Variants in LMO7 observed in about 807,000 individuals in gnomAD.
LMO7 encodes LIM domain 7, also known as LIM domain only protein 7.
In LMO7, 120 loss-of-function variants were observed where a neutral mutation model predicts 206.5. That is an observed-to-expected ratio of 0.58 (90% CI 0.50 to 0.68). LMO7 has a LOEUF of 0.68. Among genes scored for constraint, LMO7 ranks in the 30% least tolerant of loss-of-function variants. The pLI, the probability that LMO7 is intolerant of heterozygous loss-of-function variation, is 0.00. For missense variants in LMO7, 1,959 were observed against 1,957.9 expected (o/e 1.00, Z -0.01); for synonymous variants, 706 against 681.5 (o/e 1.04, Z -0.56).
intron 2 of LMO7, among the ~76,000 whole-genome samples, chr13:75,720,780 G>A (rs1269421936): frequency 6.6e-6 from 1 of 152,140 alleles, no homozygotes; most frequent in Non-Finnish European, 1.5e-5. Context: ...TCCCATCTTA[G>A]CATTTACTGT....
chr13:75,678,712 G>T (rs2040233047), intron 1 of LMO7, among the ~76,000 whole-genome samples: 1 of 152,124 alleles, frequency 6.6e-6, no homozygotes, highest in African/African-American at 2.4e-5. Flanking sequence ...TTCTAGTCTA[G>T]GTTCCAAATG....
At position 75,796,711 on chromosome 13, in the gene LMO7, A is replaced by T. The variant is rs1165807073; in HGVS notation, c.424A>T (p.Lys142Ter). 1.9e-6 allele frequency: 3 copies of T among 1,613,384 alleles called. No individual in the cohort carries two copies. The Admixed American group carries it at 5.0e-5, about 27-fold the overall frequency. The part of the protein sequence containing the change: ...PYYNGPHLNL[K>*]AFENLLGQAL... ...CTATAATGGTCCCCATCTTAATTTG[A>T]AAGCGTTTGAGAATCTTTTAGGACA... Residue 142 changes from lysine to a stop codon, truncating the protein, a stop_gained, in exon 6 of 31, where the codon AAA (lysine) becomes TAA (stop). Coordinates refer to ENST00000377534, the MANE Select transcript of LMO7 (RefSeq NM_001306080.2). LOFTEE classifies it high-confidence loss of function.
At chr13:75,743,107 A>G (rs1324101707) in intron 3 of LMO7, among the ~76,000 whole-genome samples, 2 of 152,250 alleles carry the variant, frequency 1.3e-5, no homozygotes, top group African/African-American at 4.8e-5. Flanking sequence ...GCCAATAGGC[A>G]TATGAAAAAA....
intron 1 of LMO7, among the ~76,000 whole-genome samples, chr13:75,657,886 G>C (rs1214480388): frequency 3.3e-5 from 5 of 152,068 alleles, no homozygotes; most frequent in Non-Finnish European, 7.4e-5. Flanking sequence ...TCACAGTCAG[G>C]CATTCTTGTT....
intron 11 of LMO7, among the ~76,000 whole-genome samples, chr13:75,814,084 AT>A (rs1201759409): frequency 6.6e-6 from 1 of 152,222 alleles, no homozygotes; most frequent in Non-Finnish European, 1.5e-5. Context: ...GATATATTAC[AT>A]TAATAGATCC....
intron 28 of LMO7, among the ~76,000 whole-genome samples, chr13:75,854,364 A>G (rs2060748048): frequency 1.3e-5 from 2 of 152,070 alleles, no homozygotes; most frequent in Non-Finnish European, 2.9e-5. Context: ...AATTGAGAGA[A>G]CAGAGGTGAA....
intron 27 of LMO7, among the ~76,000 whole-genome samples, chr13:75,852,398 C>T (rs1671969197): frequency 6.6e-6 from 1 of 152,034 alleles, no homozygotes; most frequent in African/African-American, 2.4e-5. Context: ...CCACATATTA[C>T]CTGGGTGATG....
intron 11 of LMO7, 70 bp from the exon 12 acceptor site, chr13:75,817,091 C>T: frequency 9.3e-7 from 1 of 1,078,162 alleles, no homozygotes; most frequent in East Asian, 2.5e-5. Context: ...AAATTTAACT[C>T]CAACCTCAGT....
chr13:75,680,246 G>T (rs1396699561), intron 1 of LMO7, among the ~76,000 whole-genome samples: 2 of 152,322 alleles, frequency 1.3e-5, no homozygotes, highest in Non-Finnish European at 2.9e-5. Context: ...TTTTGTGGTT[G>T]CACAGTATTC....
chr13:75,817,602 A>G (rs1295068868), intron 12 of LMO7, among the ~76,000 whole-genome samples: 1 of 152,184 alleles, frequency 6.6e-6, no homozygotes, highest in African/African-American at 2.4e-5. Flanking sequence ...CACATTAACT[A>G]TACTCTAATG....
At chr13:75,752,463 G>T (rs575421446) in intron 3 of LMO7, among the ~76,000 whole-genome samples, 1 of 152,142 alleles carries the variant, frequency 6.6e-6, no homozygotes, top group Admixed American at 6.5e-5. Flanking sequence ...TATATTCATG[G>T]GGCACAAGTA....
chr13:75,692,321 C>T (rs1050223902), intron 1 of LMO7, among the ~76,000 whole-genome samples: 5 of 152,096 alleles, frequency 3.3e-5, no homozygotes, highest in Admixed American at 6.6e-5. Context: ...TTAGTTCATT[C>T]AGTGTCTATT....
At position 75,849,088 on chromosome 13, in the gene LMO7, A is replaced by G. The variant is rs1355809861; in HGVS notation, c.4160A>G (p.Lys1387Arg). 8.8e-6 allele frequency: 14 copies of G among 1,594,054 alleles called. No individual in the cohort carries two copies. Among genetic ancestry groups the G allele is most frequent in the Non-Finnish European group, 1.2e-5 (14 of 1,162,644 alleles). ...DYSTNKNGNNKYLDQIGNMTS... is the reference protein window; with the variant it reads ...DYSTNKNGNNRYLDQIGNMTS... ...TTTGTTTTTAATTTAGGAAACAATA[A>G]ATATTTAGACCAAATTGGGAACATG... is the stretch of plus-strand genomic sequence containing the variant. The change falls in exon 27 of 31, where the codon AAA becomes AGA. Residue 1387 changes from lysine (K) to arginine (R), a missense_variant. By Grantham distance (26) the Lys-to-Arg change is conservative. Transcript: ENST00000377534.
In LMO7 at chr13:75,755,474, G is replaced by A. The variant is rs544550103; in HGVS notation, c.211-5458G>A. ...TCTCTTGACTCCTCTTTCTTTAACTGTCCTTTAAATGCTGGTGGTTGACTG... is the reference window on the plus strand; with the variant it reads ...TCTCTTGACTCCTCTTTCTTTAACTATCCTTTAAATGCTGGTGGTTGACTG... On this transcript the variant is annotated intron_variant, in intron 3 of 30. Transcript: ENST00000377534. Among the ~76,000 whole-genome samples the A allele has an allele frequency of 3.9e-5, 6 of 152,002 alleles. No individual in the cohort carries two copies. The South Asian group carries it at 1.2e-3, about 32-fold the overall frequency.
At chr13:75,854,498 G>GGCTT (rs2098753289) in intron 28 of LMO7, among the ~76,000 whole-genome samples, 3 of 152,072 alleles carry the variant, frequency 2.0e-5, no homozygotes, top group Non-Finnish European at 2.9e-5. Context: ...AGGGGCTGAG[G>GGCTT]GCTTTTCTGA....
chr13:75,825,852 AG>A (rs2058066022), intron 15 of LMO7, among the ~76,000 whole-genome samples: 1 of 152,134 alleles, frequency 6.6e-6, no homozygotes. Flanking sequence ...AGGTGTTCAG[AG>A]GACAGCAAAA....
At chr13:75,789,487 C>T (rs1025469332) in intron 4 of LMO7, among the ~76,000 whole-genome samples, 6 of 152,128 alleles carry the variant, frequency 3.9e-5, no homozygotes, top group African/African-American at 9.7e-5. Flanking sequence ...TTTACTCCCA[C>T]GTGGGGAAAA....
At chr13:75,837,268 T>G (rs958078330) in intron 19 of LMO7, among the ~76,000 whole-genome samples, 5 of 152,250 alleles carry the variant, frequency 3.3e-5, no homozygotes, top group African/African-American at 4.8e-5. Flanking sequence ...AGTGACTATA[T>G]TTTGTTTTCA....
intron 4 of LMO7, among the ~76,000 whole-genome samples, chr13:75,776,516 A>G (rs1172108013): frequency 6.6e-6 from 1 of 152,090 alleles, no homozygotes; most frequent in Non-Finnish European, 1.5e-5. Context: ...GCTTTTATGA[A>G]TGACTTTGAT....
Sources: allele counts gnomAD v4.1 joint callset (sites outside exome capture counted in the v4.1 genomes callset), GRCh38; gene constraint gnomAD v4.1.1; transcripts MANE v1.5; gene names NCBI Gene and HGNC (gene_info 2026-07-23, HGNC 2026-07-21).